CTNND2: variants seen among roughly 807,000 people sequenced by gnomAD.
CTNND2 encodes the protein catenin delta 2.
In CTNND2, 22 loss-of-function variants were observed where a neutral mutation model predicts 144.4. The ratio of observed to expected loss-of-function variants is 0.15; its 90% CI spans 0.11 to 0.22. The LOEUF is 0.22. Ranked by LOEUF, CTNND2 falls within the 10% of genes least tolerant of loss-of-function variation. The pLI is 1.00. For missense variants in CTNND2, 1,353 were observed against 1,618.8 expected (o/e 0.84, Z 2.82); for synonymous variants, 751 against 695.6 (o/e 1.08, Z -1.25).
intron 1 of CTNND2, among the ~76,000 whole-genome samples, chr5:11,871,389 C>T (rs1326126941): frequency 1.3e-5 from 2 of 152,098 alleles, no homozygotes; most frequent in African/African-American, 2.4e-5. Context: ...TAAAAACAGT[C>T]CCTGTCTAAC....
At chr5:10,978,731 G>C (rs977070316) in intron 21 of CTNND2, among the ~76,000 whole-genome samples, 4 of 152,248 alleles carry the variant, frequency 2.6e-5, no homozygotes, top group African/African-American at 9.6e-5. Flanking sequence ...TTTGCCTGAG[G>C]CCCAGTGGCC....
chr5:11,241,091 TACACACACCCAACATGTACAC>T (rs377249456), intron 9 of CTNND2, among the ~76,000 whole-genome samples: 97 of 142,408 alleles, frequency 6.8e-4, no homozygotes, highest in African/African-American at 2.1e-3. Flanking sequence ...ACACACCCAA[TACACACACCCAACATGTACAC>T]ACACACATCC....
intron 3 of CTNND2, among the ~76,000 whole-genome samples, chr5:11,530,625 A>G (rs1218695102): frequency 6.6e-6 from 1 of 152,226 alleles, no homozygotes; most frequent in Non-Finnish European, 1.5e-5. Flanking sequence ...AGGCCTCAGC[A>G]CTGCACTCAA....
Position 11,364,717 on chromosome 5 carries a change from C to T in CTNND2, c.1351G>A (p.Gly451Ser), listed in dbSNP as rs150121479. 1.8e-5 allele frequency: 29 copies of T among 1,613,256 alleles called. No homozygotes were observed. The East Asian group carries it at 2.9e-4, about 16-fold the overall frequency. The change falls in exon 8 of 22, where the codon GGC becomes AGC. Residue 451 changes from glycine to serine, a missense_variant. Transcript: ENST00000304623. ...QGDPLPPAHT[G>S]TYRTSTAPSS... ...ACACCTGTGCTCGTGCGGTAGGTGCCGGTGTGTGCTGGCGGCAGAGGGTCC... is the reference window on the plus strand; with the variant it reads ...ACACCTGTGCTCGTGCGGTAGGTGCTGGTGTGTGCTGGCGGCAGAGGGTCC...
intron 12 of CTNND2, among the ~76,000 whole-genome samples, chr5:11,124,554 A>G (rs1320347510): frequency 6.6e-6 from 1 of 152,230 alleles, no homozygotes; most frequent in African/African-American, 2.4e-5. Context: ...AGGATCAGAG[A>G]ATAAATATTT....
At chr5:11,578,135 G>A (rs1343504048) in intron 2 of CTNND2, among the ~76,000 whole-genome samples, 2 of 151,918 alleles carry the variant, frequency 1.3e-5, no homozygotes, top group African/African-American at 2.4e-5. Context: ...GCTCCTCATT[G>A]CCTCCAGAGT....
At chr5:11,695,901 GTAT>G (rs1173576179) in intron 2 of CTNND2, among the ~76,000 whole-genome samples, 1 of 152,084 alleles carries the variant, frequency 6.6e-6, no homozygotes, top group African/African-American at 2.4e-5. Flanking sequence ...TATATAATGA[GTAT>G]TGTCCAGTTC....
At chr5:11,437,744 T>C (rs1282080927) in intron 3 of CTNND2, among the ~76,000 whole-genome samples, 2 of 152,220 alleles carry the variant, frequency 1.3e-5, no homozygotes, top group Admixed American at 1.3e-4. Flanking sequence ...TAATCGGAGA[T>C]GGTCCCAGTT....
intron 15 of CTNND2, among the ~76,000 whole-genome samples, chr5:11,092,566 C>G (rs1451875490): frequency 6.6e-6 from 1 of 152,174 alleles, no homozygotes; most frequent in Non-Finnish European, 1.5e-5. Context: ...ATCTCCTGCT[C>G]CACAGAGTGG....
At chr5:11,328,457 T>C (rs1752758172) in intron 9 of CTNND2, among the ~76,000 whole-genome samples, 2 of 151,948 alleles carry the variant, frequency 1.3e-5, no homozygotes, top group Admixed American at 6.6e-5. Flanking sequence ...CCAGACCTTT[T>C]TTTTTGTTGT....
At position 11,619,201 on chromosome 5, in the gene CTNND2, A is replaced by T. The variant is rs1429158272; in HGVS notation, c.175-54145T>A. ...GACGGGAGGATCACCTGAGGTATGGAGTTCGAGACCAGCCTGGCCAACATG... is the reference window on the plus strand; with the variant it reads ...GACGGGAGGATCACCTGAGGTATGGTGTTCGAGACCAGCCTGGCCAACATG... On this transcript the variant is annotated intron_variant, in intron 2 of 21. Coordinates refer to ENST00000304623, the MANE Select transcript of CTNND2 (RefSeq NM_001332.4). Among the ~76,000 whole-genome samples the T allele has an allele frequency of 2.0e-5, 3 of 152,146 alleles. No individual in the cohort carries two copies. In the South Asian group the frequency reaches 6.2e-4, roughly 32 times the overall value.
chr5:11,323,319 A>C (rs1752230308), intron 9 of CTNND2, among the ~76,000 whole-genome samples: 1 of 151,748 alleles, frequency 6.6e-6, no homozygotes, highest in Admixed American at 6.6e-5. Flanking sequence ...TGAGTAGCTG[A>C]GAATACAGGC....
chr5:11,067,682 G>A (rs558291206), intron 16 of CTNND2, among the ~76,000 whole-genome samples: 3 of 152,322 alleles, frequency 2.0e-5, no homozygotes, highest in African/African-American at 4.8e-5. Flanking sequence ...AGAATTGAGA[G>A]ACTCCCTGGA....
At chr5:11,298,247 T>C (rs1314703960) in intron 9 of CTNND2, among the ~76,000 whole-genome samples, 1 of 152,202 alleles carries the variant, frequency 6.6e-6, no homozygotes, top group Admixed American at 6.5e-5. Flanking sequence ...CACAGCTCAC[T>C]GCAACCTCAG....
At chr5:11,448,016 C>G (rs1764981166) in intron 3 of CTNND2, among the ~76,000 whole-genome samples, 1 of 152,160 alleles carries the variant, frequency 6.6e-6, no homozygotes, top group Non-Finnish European at 1.5e-5. Flanking sequence ...GCCCCTAAAT[C>G]AAGCCTTGGG....
At chr5:11,612,438 T>C (rs1780377426) in intron 2 of CTNND2, among the ~76,000 whole-genome samples, 1 of 152,224 alleles carries the variant, frequency 6.6e-6, no homozygotes, top group African/African-American at 2.4e-5. Flanking sequence ...TAAGCAGATT[T>C]ATGCTAAGAT....
Position 11,480,618 on chromosome 5 carries a change from G to T in CTNND2, c.288-68549C>A, listed in dbSNP as rs187783718. Among the ~76,000 whole-genome samples, 24 of 148,876 alleles carry T rather than the reference G, an allele frequency of 1.6e-4. No individual in the cohort carries two copies. In the East Asian group the frequency reaches 4.1e-3, roughly 25 times the overall value. On this transcript the variant is annotated intron_variant, in intron 3 of 21. Transcript: ENST00000304623. Reference sequence around the variant, plus strand: ...TTACCTAACTCCCCCCACCAAACATGCTTGTTCTATGATTTGAAAATACAT... The same window carrying T: ...TTACCTAACTCCCCCCACCAAACATTCTTGTTCTATGATTTGAAAATACAT...
At chr5:11,268,654 G>A (rs1422003200) in intron 9 of CTNND2, among the ~76,000 whole-genome samples, 1 of 151,940 alleles carries the variant, frequency 6.6e-6, no homozygotes, top group Non-Finnish European at 1.5e-5. Flanking sequence ...TATATATAAA[G>A]TACTATCACA....
At chr5:11,626,567 C>T (rs573649630) in intron 2 of CTNND2, among the ~76,000 whole-genome samples, 52 of 152,020 alleles carry the variant, frequency 3.4e-4, no homozygotes, top group Non-Finnish European at 7.1e-4. Flanking sequence ...GTGGTTGAGT[C>T]CTGGAATGTG....
Sources: allele counts gnomAD v4.1 joint callset (sites outside exome capture counted in the v4.1 genomes callset), GRCh38; gene constraint gnomAD v4.1.1; transcripts MANE v1.5; gene names NCBI Gene and HGNC (gene_info 2026-07-23, HGNC 2026-07-21).